Variants in ZFHX4 observed in about 807,000 individuals in gnomAD.
The protein encoded by ZFHX4 is zinc finger homeobox 4, also known as zinc finger homeobox protein 4.
In ZFHX4, 56 loss-of-function variants were observed where a neutral mutation model predicts 267.6. The observed-to-expected ratio is 0.21, with a 90% CI of 0.17 to 0.26. The LOEUF (loss-of-function observed/expected upper bound fraction) is 0.26, where lower values mean the gene tolerates loss of function less well. ZFHX4 is among the 10% of genes least tolerant of loss of function. ZFHX4 has a pLI of 1.00. For synonymous variants in ZFHX4, 1,778 were observed against 1,665.6 expected (o/e 1.07, Z -1.64); for missense variants, 4,332 against 4,420.0 (o/e 0.98, Z 0.56).
intron 3 of ZFHX4, among the ~76,000 whole-genome samples, chr8:76,713,922 G>A (rs902719963): frequency 6.6e-6 from 1 of 150,882 alleles, no homozygotes; most frequent in African/African-American, 2.4e-5. Context: ...CACCACCACC[G>A]CCACGTACCA....
At position 76,834,195 on chromosome 8, in the gene ZFHX4, A is replaced by T. The variant is rs1585991711; in HGVS notation, c.3394+789A>T. 1.2e-5 allele frequency: 5 copies of T among 431,460 alleles called. No homozygotes were observed. The East Asian group carries it at 3.5e-4, about 30-fold the overall frequency. 26.7% of individuals were successfully genotyped at this position (431,460 alleles called of 1,614,324 possible). A position where few individuals can be genotyped will look rare whatever the true frequency, so the allele number is the denominator to read the frequency against. On this transcript the variant is annotated intron_variant, in intron 5 of 10. Coordinates refer to ENST00000651372, the MANE Select transcript of ZFHX4 (RefSeq NM_024721.5). Reference sequence around the variant, plus strand: ...AATTACGAATAAAACTACTATGAGCATCGGTGTCCAGGCTTTTGTGTGGAC... The same window carrying T: ...AATTACGAATAAAACTACTATGAGCTTCGGTGTCCAGGCTTTTGTGTGGAC...
intron 3 of ZFHX4, among the ~76,000 whole-genome samples, chr8:76,723,885 T>C (rs12680124): frequency 0.04 from 6,161 of 152,126 alleles, 281 homozygotes; most frequent in East Asian, 0.24. Context: ...AATGGGAACA[T>C]GCATTGAAGC....
intron 1 of ZFHX4, among the ~76,000 whole-genome samples, chr8:76,685,445 AC>A (rs1363587496): frequency 3.3e-5 from 5 of 152,228 alleles, no homozygotes; most frequent in Non-Finnish European, 5.9e-5. Flanking sequence ...CGTTATAAAG[AC>A]TAAAGACATC....
intron 3 of ZFHX4, among the ~76,000 whole-genome samples, chr8:76,711,520 T>G (rs543639563): frequency 3.3e-5 from 5 of 152,304 alleles, no homozygotes; most frequent in Admixed American, 3.3e-4. Context: ...AGCTAACCCA[T>G]TTATTAGATT....
chr8:76,758,126 G>T (rs750675911), intron 3 of ZFHX4, among the ~76,000 whole-genome samples: 1 of 152,080 alleles, frequency 6.6e-6, no homozygotes, highest in Non-Finnish European at 1.5e-5. Flanking sequence ...CATTCATGGG[G>T]CTCTGATAGA....
chr8:76,842,920 A>T (rs1203141743), intron 6 of ZFHX4, 149 bp downstream of exon 6: 1 of 504,814 alleles, frequency 2.0e-6, no homozygotes, highest in Non-Finnish European at 3.5e-6. Flanking sequence ...TATTCATTGC[A>T]TGTGCATTTT....
intron 4 of ZFHX4, among the ~76,000 whole-genome samples, chr8:76,822,452 C>CTTTTTTTTT (rs5892566): frequency 2.2e-4 from 26 of 116,126 alleles, no homozygotes; most frequent in African/African-American, 5.5e-4. Context: ...GTGTCTACCT[C>CTTTTTTTTT]TTTTTTTTTT....
chr8:76,831,878 T>C (rs1262649085), intron 4 of ZFHX4, among the ~76,000 whole-genome samples: 2 of 152,116 alleles, frequency 1.3e-5, no homozygotes, highest in African/African-American at 4.8e-5. Flanking sequence ...GGTGGACTTC[T>C]TGAGTGACAT....
intron 4 of ZFHX4, among the ~76,000 whole-genome samples, chr8:76,812,683 T>C (rs1811407190): frequency 6.6e-6 from 1 of 152,184 alleles, no homozygotes; most frequent in African/African-American, 2.4e-5. Flanking sequence ...TTTAAGCATT[T>C]ATCTCCATCT....
chr8:76,732,878 A>G (rs1158879581), intron 3 of ZFHX4, among the ~76,000 whole-genome samples: 4 of 152,142 alleles, frequency 2.6e-5, no homozygotes, highest in Admixed American at 1.3e-4. Flanking sequence ...TAATCTTCAA[A>G]GCAGACACCA....
At chr8:76,849,849 G>T in intron 8 of ZFHX4, 137 bp downstream of exon 8, 1 of 978,008 alleles carries the variant, frequency 1.0e-6, no homozygotes. Context: ...TGTTATAGTA[G>T]TCACACTCAA....
intron 3 of ZFHX4, among the ~76,000 whole-genome samples, chr8:76,731,010 C>T (rs2131661732): frequency 6.6e-6 from 1 of 152,224 alleles, no homozygotes. Flanking sequence ...ATTTGAGGAG[C>T]TGGGATATGA....
chr8:76,827,714 A>G (rs1811823555), intron 4 of ZFHX4, among the ~76,000 whole-genome samples: 2 of 152,220 alleles, frequency 1.3e-5, no homozygotes, highest in Non-Finnish European at 2.9e-5. Context: ...CACCGAGGTC[A>G]TAGATGACTC....
chr8:76,741,726 A>G (rs1809320924), intron 3 of ZFHX4, among the ~76,000 whole-genome samples: 1 of 152,318 alleles, frequency 6.6e-6, no homozygotes, highest in East Asian at 1.9e-4. Flanking sequence ...CCTTAAAAAT[A>G]ATCAGAAAGT....
chr8:76,741,271 T>C (rs192624616), intron 3 of ZFHX4, among the ~76,000 whole-genome samples: 1 of 152,268 alleles, frequency 6.6e-6, no homozygotes, highest in Admixed American at 6.5e-5. Flanking sequence ...CATGAAGCAA[T>C]GCAATAGAGA....
intron 4 of ZFHX4, among the ~76,000 whole-genome samples, chr8:76,812,622 A>G (rs1049286727): frequency 6.6e-6 from 1 of 152,204 alleles, no homozygotes; most frequent in African/African-American, 2.4e-5. Context: ...TATCCATGTT[A>G]ACTAAAAGTC....
intron 6 of ZFHX4, 82 bp from the exon 7 acceptor site, chr8:76,848,913 C>A (rs117051653): frequency 1.5e-6 from 2 of 1,338,438 alleles, no homozygotes; most frequent in Non-Finnish European, 2.0e-6. Context: ...TGTTTAGAGT[C>A]GCAAATGTTT....
intron 3 of ZFHX4, among the ~76,000 whole-genome samples, chr8:76,755,977 A>G (rs1399503744): frequency 6.6e-6 from 1 of 152,158 alleles, no homozygotes; most frequent in African/African-American, 2.4e-5. Flanking sequence ...ATTTCCATCA[A>G]CTTGCTTCGT....
chr8:76,846,555 C>G (rs1812369954), intron 6 of ZFHX4, among the ~76,000 whole-genome samples: 1 of 151,920 alleles, frequency 6.6e-6, no homozygotes, highest in African/African-American at 2.4e-5. Flanking sequence ...TTTTTTGATA[C>G]AGCATAGAAC....
Sources: gnomAD v4.1 joint callset for allele counts (sites outside exome capture counted in the v4.1 genomes callset) on GRCh38, gnomAD v4.1.1 for gene constraint, MANE v1.5 for transcripts, NCBI Gene and HGNC (gene_info 2026-07-23, HGNC 2026-07-21) for gene names.